The following CTNNA3 variants were observed in gnomAD, a reference collection of about 807,000 sequenced individuals.
CTNNA3 encodes catenin alpha 3, also known as catenin alpha-3.
In CTNNA3, 76 loss-of-function variants were observed where a neutral mutation model predicts 95.7. The ratio of observed to expected loss-of-function variants is 0.79; its 90% CI spans 0.66 to 0.96. The LOEUF is 0.96. Among genes scored for constraint, CTNNA3 ranks in the 40% least tolerant of loss-of-function variants. The pLI, the probability that CTNNA3 is intolerant of heterozygous loss-of-function variation, is 0.00. For missense variants in CTNNA3, 1,191 were observed against 1,089.8 expected (o/e 1.09, Z -1.31); for synonymous variants, 431 against 374.4 (o/e 1.15, Z -1.74).
At chr10:66,360,073 C>T (rs974140982) in intron 12 of CTNNA3, among the ~76,000 whole-genome samples, 2 of 152,012 alleles carry the variant, frequency 1.3e-5, no homozygotes, top group Admixed American at 6.6e-5. Flanking sequence ...ATGATCCACC[C>T]GCCTTGGCCT....
intron 13 of CTNNA3, among the ~76,000 whole-genome samples, chr10:66,185,299 A>C (rs975028111): frequency 6.6e-6 from 1 of 152,166 alleles, no homozygotes; most frequent in African/African-American, 2.4e-5. Flanking sequence ...AGTAATCTAG[A>C]GCAATATTAA....
At chr10:66,024,122 C>T (rs150008755) in intron 15 of CTNNA3, among the ~76,000 whole-genome samples, 3,666 of 84,654 alleles carry the variant, frequency 0.043, 63 homozygotes, top group Non-Finnish European at 0.057. Context: ...CGGAGTCTCG[C>T]TCTGTCGCCC....
At chr10:66,806,322 C>A (rs1841643247) in intron 7 of CTNNA3, among the ~76,000 whole-genome samples, 1 of 144,424 alleles carries the variant, frequency 6.9e-6, no homozygotes, top group Non-Finnish European at 1.5e-5. Flanking sequence ...TGGCAAAAAT[C>A]CTAAGAGGTA....
intron 5 of CTNNA3, among the ~76,000 whole-genome samples, chr10:67,270,403 T>C (rs914633386): frequency 2.6e-5 from 4 of 152,140 alleles, no homozygotes; most frequent in Admixed American, 6.5e-5. Context: ...TGTGTTCCAA[T>C]TGCTATGCTC....
At chr10:66,996,456 G>C (rs1448681815) in intron 7 of CTNNA3, among the ~76,000 whole-genome samples, 5 of 151,938 alleles carry the variant, frequency 3.3e-5, no homozygotes, top group Non-Finnish European at 5.9e-5. Context: ...GACCAGGCTG[G>C]GCAATATGGT....
At chr10:67,523,073 T>C (rs1482962641) in intron 4 of CTNNA3, among the ~76,000 whole-genome samples, 1 of 152,158 alleles carries the variant, frequency 6.6e-6, no homozygotes, top group Non-Finnish European at 1.5e-5. Context: ...AAATAAGTCA[T>C]ATTAAAATGG....
chr10:67,469,120 G>T (rs1431243076), intron 5 of CTNNA3, among the ~76,000 whole-genome samples: 1 of 151,908 alleles, frequency 6.6e-6, no homozygotes, highest in African/African-American at 2.4e-5. Context: ...AAAACTCTAA[G>T]AACAAAAAAC....
chr10:66,096,494 T>C (rs35330952), intron 14 of CTNNA3, among the ~76,000 whole-genome samples: 1 of 151,114 alleles, frequency 6.6e-6, no homozygotes, highest in African/African-American at 2.4e-5. Flanking sequence ...TTAAATGTTG[T>C]TTTTTTCTTT....
intron 12 of CTNNA3, among the ~76,000 whole-genome samples, chr10:66,289,364 A>AT (rs932283066): frequency 6.6e-6 from 1 of 151,048 alleles, no homozygotes; most frequent in African/African-American, 2.4e-5. Flanking sequence ...AACAAGAAAG[A>AT]TTTTTAAAGA....
chr10:67,702,506 C>A (rs1564836477), intron 1 of CTNNA3, among the ~76,000 whole-genome samples: 1 of 152,190 alleles, frequency 6.6e-6, no homozygotes, highest in African/African-American at 2.4e-5. Flanking sequence ...GGAAACTAAA[C>A]AACCTGCTCC....
At chr10:66,208,668 A>G (rs2087922045) in intron 13 of CTNNA3, among the ~76,000 whole-genome samples, 1 of 152,150 alleles carries the variant, frequency 6.6e-6, no homozygotes, top group Non-Finnish European at 1.5e-5. Flanking sequence ...AAGTCAGTAT[A>G]CATTTTGAAA....
chr10:66,398,770 G>A (rs1374636277), intron 11 of CTNNA3, among the ~76,000 whole-genome samples: 1 of 151,918 alleles, frequency 6.6e-6, no homozygotes, highest in Non-Finnish European at 1.5e-5. Flanking sequence ...TTTTAAAAAT[G>A]CAAAGAGTGC....
chr10:67,710,114 A>G (rs1841099329), intron 1 of CTNNA3, among the ~76,000 whole-genome samples: 1 of 152,080 alleles, frequency 6.6e-6, no homozygotes, highest in Admixed American at 6.6e-5. Context: ...AAAGGATAGG[A>G]AGAAAGGGAG....
intron 5 of CTNNA3, among the ~76,000 whole-genome samples, chr10:67,244,267 T>C (rs76606610): frequency 0.032 from 4,802 of 152,246 alleles, 243 homozygotes; most frequent in African/African-American, 0.11. Context: ...AAGGTGTGTC[T>C]TTCAGAACCT....
Position 66,122,342 on chromosome 10 carries a change from G to A in CTNNA3, c.1885-19093C>T, listed in dbSNP as rs575956301. ...AAATTACTTAATAAAGAGCATCCAAGGAGTGTGGAACAATTAGAAAAGGTG... is the reference window on the plus strand; with the variant it reads ...AAATTACTTAATAAAGAGCATCCAAAGAGTGTGGAACAATTAGAAAAGGTG... On this transcript the variant is annotated intron_variant, in intron 13 of 17. Coordinates refer to ENST00000433211, the MANE Select transcript of CTNNA3 (RefSeq NM_013266.4). 3.5e-3 allele frequency among the ~76,000 whole-genome samples: 532 copies of A among 152,196 alleles called. 6 individuals are homozygous for A. The highest frequency in any genetic ancestry group is 0.027 in the Middle Eastern group (8 of 294).
chr10:66,639,833 A>C (rs2132374195), intron 9 of CTNNA3, among the ~76,000 whole-genome samples: 1 of 152,310 alleles, frequency 6.6e-6, no homozygotes, highest in African/African-American at 2.4e-5. Flanking sequence ...GAATAAATTT[A>C]CCAAGTCAAA....
chr10:66,006,151 T>C (rs530591450), intron 15 of CTNNA3, among the ~76,000 whole-genome samples: 4 of 151,764 alleles, frequency 2.6e-5, no homozygotes, highest in Non-Finnish European at 5.9e-5. Flanking sequence ...TAGCTGGGAC[T>C]ACAGGCACCC....
chr10:66,970,368 C>T (rs1312437815), intron 7 of CTNNA3, among the ~76,000 whole-genome samples: 3 of 152,070 alleles, frequency 2.0e-5, no homozygotes, highest in South Asian at 2.1e-4. Flanking sequence ...CATACACAGT[C>T]AGCTTCTTCT....
intron 9 of CTNNA3, among the ~76,000 whole-genome samples, chr10:66,754,104 G>A (rs917157484): frequency 6.6e-6 from 1 of 152,088 alleles, no homozygotes; most frequent in Non-Finnish European, 1.5e-5. Context: ...CGATACTGGA[G>A]GATTCATACT....
Sources: allele counts gnomAD v4.1 joint callset (sites outside exome capture counted in the v4.1 genomes callset), GRCh38; gene constraint gnomAD v4.1.1; transcripts MANE v1.5; gene names NCBI Gene and HGNC (gene_info 2026-07-23, HGNC 2026-07-21).